Variants in LLGL2 observed in about 807,000 individuals in gnomAD.
LLGL2 encodes the protein LLGL2, scribble cell polarity complex component.
Under a neutral mutation model 123.2 loss-of-function variants are expected in LLGL2, and 81 were observed. The ratio of observed to expected loss-of-function variants is 0.66; its 90% CI spans 0.55 to 0.79. The LOEUF is 0.79. Among genes scored for constraint, LLGL2 ranks in the 30% least tolerant of loss-of-function variants. LLGL2 has a pLI of 0.00. For synonymous variants in LLGL2, 577 were observed against 594.1 expected, an observed-to-expected ratio of 0.97 and a Z score of 0.42; for missense variants, 1,273 against 1,414.6, an observed-to-expected ratio of 0.90 and a Z score of 1.61.
Position 75,558,876 on chromosome 17 carries a change from TCCGCACCCCAC to T in LLGL2, c.371+251_371+261del, listed in dbSNP as rs2055054385. The T allele has an allele frequency of 1.2e-4, 10 of 80,834 alleles. 2 individuals carry two copies. Among genetic ancestry groups the T allele is most frequent in the Admixed American group, 1.1e-3 (6 of 5,386 alleles). 5.0% of individuals were successfully genotyped at this position (80,834 alleles called of 1,614,324 possible). A position where few individuals can be genotyped will look rare whatever the true frequency, so the allele number is the denominator to read the frequency against. On this transcript the variant is annotated intron_variant, in intron 5 of 25. Coordinates refer to ENST00000392550, the MANE Select transcript of LLGL2 (RefSeq NM_001031803.2). This position sits in a 1 kb window ranked among gnomAD's most constrained non-coding sequence, Gnocchi z 4.0. ...CTCCATCCGCACCCCGCCTCCTCCA[TCCGCACCCCAC>T]CTCCTCCATCCACACCACGCCTCCT...
rs114747014 is a variant in LLGL2 at position 75,563,412 on chromosome 17, G to A, written c.775G>A (p.Val259Met). Residue 259 changes from valine (V) to methionine (M), a missense_variant, in exon 8 of 26, where the codon GTG becomes ATG. Physicochemically the swap from Val to Met is conservative, Grantham distance 21. Coordinates refer to ENST00000392550, the MANE Select transcript of LLGL2 (RefSeq NM_001031803.2). Reference sequence around the variant, plus strand: ...TGACGGCAGCTACTGCCAGTGGCCCGTGTCCAGCGAAGCCCAGCAACCAGA... The same window carrying A: ...TGACGGCAGCTACTGCCAGTGGCCCATGTCCAGCGAAGCCCAGCAACCAGA... The part of the protein sequence containing the change: ...HSDGSYCQWP[V>M]SSEAQQPEPL... 7,047 of 1,612,776 alleles carry A rather than the reference G, an allele frequency of 4.4e-3. 188 individuals carry two copies. In the African/African-American group the frequency reaches 0.065, roughly 15 times the overall value.
At chr17:75,563,726 G>A (rs527974593) in intron 8 of LLGL2, 26 bp from the exon 9 acceptor site, 35 of 1,613,828 alleles carry the variant, frequency 2.2e-5, no homozygotes, top group Middle Eastern at 1.7e-4. Context: ...TTGAGGATCC[G>A]TTCAAGCCGA....
chr17:75,562,859 C>G, intron 6 of LLGL2, 157 bp from the exon 7 acceptor site: 2 of 899,952 alleles, frequency 2.2e-6, no homozygotes, highest in Non-Finnish European at 3.3e-6. Context: ...CATGAGCCAC[C>G]ACGCTCGGCC....
At chr17:75,567,647 A>G (rs2055501333) in intron 10 of LLGL2, among the ~76,000 whole-genome samples, 2 of 151,676 alleles carry the variant, frequency 1.3e-5, no homozygotes, top group South Asian at 4.2e-4. Flanking sequence ...TCAAAAAAAA[A>G]AGAGAAAAAA....
intron 1 of LLGL2, among the ~76,000 whole-genome samples, chr17:75,529,221 G>A (rs900147960): frequency 3.3e-5 from 5 of 151,220 alleles, no homozygotes; most frequent in East Asian, 3.9e-4. Context: ...TCTTTGAGAC[G>A]AAGTCTCCTC....
chr17:75,533,719 C>T (rs1428494108), intron 1 of LLGL2: 1 of 152,186 alleles, frequency 6.6e-6, no homozygotes, highest in Non-Finnish European at 1.5e-5. Flanking sequence ...AGAAGCCTGA[C>T]TGACAGAAAG....
intron 1 of LLGL2, among the ~76,000 whole-genome samples, chr17:75,528,739 AAAAC>A (rs78153446): frequency 7.9e-5 from 12 of 151,462 alleles, no homozygotes; most frequent in Admixed American, 5.3e-4. Flanking sequence ...ACTCCATCTC[AAAAC>A]AAACAAACAA....
chr17:75,531,982 T>C (rs2053804497), intron 1 of LLGL2, among the ~76,000 whole-genome samples: 1 of 151,590 alleles, frequency 6.6e-6, no homozygotes, highest in Non-Finnish European at 1.5e-5. Context: ...TGACTTAGTG[T>C]TCCCAGAGTT....
intron 1 of LLGL2, among the ~76,000 whole-genome samples, chr17:75,535,436 G>T (rs1399034544): frequency 6.6e-6 from 1 of 152,226 alleles, no homozygotes; most frequent in South Asian, 2.1e-4. Flanking sequence ...GAGTCCTGCC[G>T]CTGGGTGTGG....
rs1555648013 is a variant in LLGL2 at position 75,532,077 on chromosome 17, CTTTT to C, written c.-31+6270_-31+6273del. ...ATATACACACACACACACACACACA[CTTTT>C]TTTTTTTTTTTTTTTTTGAGACGGA... On this transcript the variant is annotated intron_variant, in intron 1 of 25. Transcript: ENST00000392550. Among the ~76,000 whole-genome samples the C allele has an allele frequency of 3.0e-3, 254 of 83,972 alleles. 1 individual carries two copies. The highest frequency in any genetic ancestry group is 8.4e-3 in the African/African-American group (217 of 25,958). 55.1% of individuals were successfully genotyped at this position (83,972 alleles called of 152,430 possible).
At chr17:75,537,471 A>G (rs2054047064) in intron 1 of LLGL2, among the ~76,000 whole-genome samples, 1 of 152,250 alleles carries the variant, frequency 6.6e-6, no homozygotes, top group South Asian at 2.1e-4. Context: ...AGGTGGGCAG[A>G]TCACTTGAGA....
chr17:75,554,812 C>A (rs2147327306), intron 2 of LLGL2, among the ~76,000 whole-genome samples: 1 of 151,258 alleles, frequency 6.6e-6, no homozygotes, highest in East Asian at 1.9e-4. Context: ...TGGCGTGAAC[C>A]TGGGAGGCGG....
At chr17:75,568,420 C>CAG in intron 10 of LLGL2, 56 bp from the exon 11 acceptor site, 1 of 1,567,808 alleles carries the variant, frequency 6.4e-7, no homozygotes, top group South Asian at 1.2e-5. Flanking sequence ...TCTGATTCCA[C>CAG]AGAGCTGGGC....
intron 1 of LLGL2, among the ~76,000 whole-genome samples, chr17:75,537,719 A>T (rs1224788807): frequency 6.6e-6 from 1 of 150,416 alleles, no homozygotes; most frequent in Non-Finnish European, 1.5e-5. Flanking sequence ...ATCCCTTAAA[A>T]CCATGGTGGA....
intron 1 of LLGL2, chr17:75,542,537 A>G (rs1296533176): frequency 6.6e-6 from 1 of 152,274 alleles, no homozygotes; most frequent in East Asian, 1.9e-4. Context: ...CCCCAAGGAT[A>G]ATCCAGAAAT....
intron 16 of LLGL2, 120 bp from the exon 17 acceptor site, chr17:75,570,830 C>T (rs2055672183): frequency 1.5e-6 from 2 of 1,327,568 alleles, no homozygotes; most frequent in African/African-American, 2.9e-5. Context: ...AGACGCAGGC[C>T]TGGCAGGTGG....
intron 1 of LLGL2, among the ~76,000 whole-genome samples, chr17:75,530,908 G>A (rs533880326): frequency 6.6e-6 from 1 of 152,310 alleles, no homozygotes; most frequent in African/African-American, 2.4e-5. Context: ...TCTCCTAAAT[G>A]GACCTTGCAT....
rs9911632 is a variant in LLGL2 at position 75,573,227 on chromosome 17, C to T, written c.2674C>T (p.Arg892Trp). 3.6e-4 allele frequency: 583 copies of T among 1,610,700 alleles called. 3 individuals carry two copies. In the African/African-American group the frequency reaches 6.5e-3, roughly 18 times the overall value. ...KPQVRYSCIRREDVSGIASCV... is the reference protein window; with the variant it reads ...KPQVRYSCIRWEDVSGIASCV... ...CCAGGTGCGCTACAGCTGCATCCGC[C>T]GGGAGGACGTCAGTGGCATCGCCTC... Residue 892 changes from arginine to tryptophan, a missense_variant, in exon 20 of 26, where the codon CGG (arginine) becomes TGG (tryptophan). Arg to Trp is a moderately radical substitution (Grantham distance 101, BLOSUM62 -3). Coordinates refer to ENST00000392550, the MANE Select transcript of LLGL2 (RefSeq NM_001031803.2).
chr17:75,571,836 C>T (rs2055723192), intron 18 of LLGL2, 53 bp downstream of exon 18: 1 of 1,604,524 alleles, frequency 6.2e-7, no homozygotes, highest in Non-Finnish European at 8.5e-7. Flanking sequence ...GGGCTGGGTC[C>T]AGGGAGTGGC....
Sources: gnomAD v4.1 joint callset for allele counts (sites outside exome capture counted in the v4.1 genomes callset) on GRCh38, gnomAD v4.1.1 for gene constraint, Gnocchi (gnomAD v3.1) non-coding constraint, MANE v1.5 for transcripts, NCBI Gene and HGNC (gene_info 2026-07-23, HGNC 2026-07-21) for gene names.